Variants in SLC1A2 observed in about 807,000 individuals in gnomAD.
SLC1A2 encodes the protein solute carrier family 1 member 2.
Under a neutral mutation model 48.8 loss-of-function variants are expected in SLC1A2, and 15 were observed. That is an observed-to-expected ratio of 0.31 (90% CI 0.21 to 0.47). SLC1A2 has a LOEUF of 0.47. SLC1A2 is among the 20% of genes least tolerant of loss of function. The probability of loss-of-function intolerance (pLI) is 0.99; values close to 1 mark genes in which losing one functional copy is unlikely to be tolerated. For synonymous variants in SLC1A2, 279 were observed against 272.6 expected (o/e 1.02, Z -0.23); for missense variants, 502 against 730.5 (o/e 0.69, Z 3.61).
intron 1 of SLC1A2, among the ~76,000 whole-genome samples, chr11:35,378,693 G>T (rs1015877062): frequency 6.6e-6 from 1 of 152,196 alleles, no homozygotes; most frequent in African/African-American, 2.4e-5. Context: ...TGAACTTACT[G>T]CTCACAAAAG....
chr11:35,307,228 A>C (rs556506716), intron 4 of SLC1A2: 2 of 152,298 alleles, frequency 1.3e-5, no homozygotes, highest in African/African-American at 4.8e-5. Flanking sequence ...AGCCAGGCTC[A>C]GCTGGAAATC....
At chr11:35,292,159 A>C in intron 7 of SLC1A2, 128 bp downstream of exon 7, 1 of 718,862 alleles carries the variant, frequency 1.4e-6, no homozygotes, top group Non-Finnish European at 2.4e-6. Flanking sequence ...CGCCTTTTCC[A>C]AAAGATCTTA....
At position 35,257,124 on chromosome 11, in the gene SLC1A2, C is replaced by G. The variant is rs535334766; in HGVS notation, c.*3770G>C. On this transcript the variant is annotated 3_prime_UTR_variant, in exon 11 of 11. Coordinates refer to ENST00000278379, the MANE Select transcript of SLC1A2 (RefSeq NM_004171.4). Reference sequence around the variant, plus strand: ...AAATGAGTTTCCCAACCACTTTGCTCCAAAAGGGCTTCTTGACTAGATACA... The same window carrying G: ...AAATGAGTTTCCCAACCACTTTGCTGCAAAAGGGCTTCTTGACTAGATACA... 6.6e-6 allele frequency: 1 copy of G among 152,274 alleles called. No individual in the cohort carries two copies. Among genetic ancestry groups the G allele is most frequent in the African/African-American group, 2.4e-5 (1 of 41,566 alleles). The allele number at this position is 152,274 out of a possible 1,614,324, so 9.4% of individuals were successfully genotyped here.
chr11:35,269,349 C>G (rs746685992), intron 9 of SLC1A2, among the ~76,000 whole-genome samples: 1 of 152,216 alleles, frequency 6.6e-6, no homozygotes, highest in Admixed American at 6.5e-5. Context: ...GACACTTTCT[C>G]AACCATAATT....
chr11:35,315,260 C>A (rs1333537838), intron 2 of SLC1A2, 85 bp from the exon 3 acceptor site: 3 of 948,176 alleles, frequency 3.2e-6, no homozygotes, highest in Non-Finnish European at 5.0e-6. Flanking sequence ...GCAACATTGA[C>A]CTTTCTCATG....
chr11:35,319,722 T>C (rs1056006463), intron 1 of SLC1A2, among the ~76,000 whole-genome samples: 2 of 152,228 alleles, frequency 1.3e-5, no homozygotes. Flanking sequence ...TTCTTTGTTG[T>C]ACAAAATTGC....
Position 35,254,885 on chromosome 11 carries a change from T to A in SLC1A2, c.*6009A>T. On this transcript the variant is annotated 3_prime_UTR_variant, in exon 11 of 11. Transcript: ENST00000278379. ...TGGAGGTTGGAAAGTGAAGCAAGGC[T>A]GGACATAGAAAAAAACTGATCAGTA... 1 of 437,942 alleles carries A rather than the reference T, an allele frequency of 2.3e-6. No homozygotes were observed. Among genetic ancestry groups the A allele is most frequent in the South Asian group, 1.6e-5 (1 of 61,194 alleles). The allele number at this position is 437,942 out of a possible 1,614,324, so 27.1% of individuals were successfully genotyped here.
At chr11:35,289,307 T>C (rs1169544451) in intron 7 of SLC1A2, among the ~76,000 whole-genome samples, 1 of 151,858 alleles carries the variant, frequency 6.6e-6, no homozygotes, top group Non-Finnish European at 1.5e-5. Context: ...TTACATTTTT[T>C]TTTTTCTTCT....
At chr11:35,353,293 C>T (rs554117198) in intron 1 of SLC1A2, among the ~76,000 whole-genome samples, 2 of 152,188 alleles carry the variant, frequency 1.3e-5, no homozygotes, top group Non-Finnish European at 2.9e-5. Context: ...CTCCCCTAAC[C>T]GTTCATACAA....
intron 1 of SLC1A2, among the ~76,000 whole-genome samples, chr11:35,375,795 T>C (rs1038078030): frequency 6.6e-6 from 1 of 152,116 alleles, no homozygotes; most frequent in African/African-American, 2.4e-5. Context: ...ACAGACTGAG[T>C]GATCACCACC....
intron 9 of SLC1A2, among the ~76,000 whole-genome samples, chr11:35,279,662 G>A (rs147231293): frequency 6.6e-6 from 1 of 152,302 alleles, no homozygotes; most frequent in Non-Finnish European, 1.5e-5. Context: ...CCATAAACAA[G>A]AATTTGTCAG....
chr11:35,300,006 C>T (rs1017175162), intron 6 of SLC1A2, among the ~76,000 whole-genome samples: 3 of 152,126 alleles, frequency 2.0e-5, no homozygotes, highest in Non-Finnish European at 4.4e-5. Flanking sequence ...AAGTAAAAAG[C>T]TTTCTGTCTG....
chr11:35,329,998 G>C (rs1275595669), intron 1 of SLC1A2, among the ~76,000 whole-genome samples: 1 of 152,188 alleles, frequency 6.6e-6, no homozygotes, highest in Non-Finnish European at 1.5e-5. Context: ...AGGTCAGAGA[G>C]AGGAGCACAT....
At chr11:35,293,254 C>G (rs2134751081) in intron 6 of SLC1A2, among the ~76,000 whole-genome samples, 1 of 152,246 alleles carries the variant, frequency 6.6e-6, no homozygotes, top group Non-Finnish European at 1.5e-5. Flanking sequence ...GCTAAATAAT[C>G]AGCCCAAGAC....
rs1464305207 is a variant in SLC1A2 at position 35,265,698 on chromosome 11, A to G, written c.1482T>C (p.Tyr494=). The part of the protein sequence containing the change: ...VGDSFGAGIV[Y]HLSKSELDTI... ...TATCCAGCTCAGACTTGGAGAGGTG[A>G]TAGACTATCCCAGCCCCAAAAGAGT... The change falls in exon 10 of 11, where the codon TAT becomes TAC. Residue 494 remains tyrosine (Y), a synonymous_variant. Transcript: ENST00000278379. 2 of 1,614,038 alleles carry G rather than the reference A, an allele frequency of 1.2e-6. No homozygotes were observed. Among genetic ancestry groups the G allele is most frequent in the African/African-American group, 1.3e-5 (1 of 74,936 alleles).
intron 9 of SLC1A2, among the ~76,000 whole-genome samples, chr11:35,268,261 T>C (rs1179677342): frequency 2.0e-5 from 3 of 152,208 alleles, no homozygotes; most frequent in African/African-American, 4.8e-5. Flanking sequence ...TGAGTACCCA[T>C]TGATCTCATA....
At chr11:35,353,017 T>G (rs1018112294) in intron 1 of SLC1A2, among the ~76,000 whole-genome samples, 3 of 152,212 alleles carry the variant, frequency 2.0e-5, no homozygotes, top group Non-Finnish European at 4.4e-5. Context: ...AATTTTGATA[T>G]CTTATGTCCT....
At chr11:35,356,936 A>T (rs1242172885) in intron 1 of SLC1A2, among the ~76,000 whole-genome samples, 1 of 152,170 alleles carries the variant, frequency 6.6e-6, no homozygotes, top group Non-Finnish European at 1.5e-5. Flanking sequence ...TGTATCTCTT[A>T]TTATAAAAAA....
At chr11:35,356,974 G>A (rs2135110893) in intron 1 of SLC1A2, among the ~76,000 whole-genome samples, 1 of 152,222 alleles carries the variant, frequency 6.6e-6, no homozygotes, top group African/African-American at 2.4e-5. Flanking sequence ...GGGCATGGTG[G>A]CTCACGCCTG....
Sources: allele counts gnomAD v4.1 joint callset (sites outside exome capture counted in the v4.1 genomes callset), GRCh38; gene constraint gnomAD v4.1.1; transcripts MANE v1.5; gene names NCBI Gene and HGNC (gene_info 2026-07-23, HGNC 2026-07-21).